The following GARNL3 variants were observed in gnomAD, a reference collection of about 807,000 sequenced individuals.
GARNL3 encodes the protein GTPase-activating Rap/Ran-GAP domain-like protein 3.
Under a neutral mutation model 125.0 loss-of-function variants are expected in GARNL3, and 63 were observed. That is an observed-to-expected ratio of 0.50 (90% CI 0.41 to 0.62). GARNL3 has a LOEUF of 0.62. Ranked by LOEUF, GARNL3 falls within the 20% of genes least tolerant of loss-of-function variation. The pLI, the probability that GARNL3 is intolerant of heterozygous loss-of-function variation, is 0.00. For missense variants in GARNL3, 994 were observed against 1,244.0 expected (o/e 0.80, Z 3.02); for synonymous variants, 439 against 457.5 (o/e 0.96, Z 0.52).
At chr9:127,339,024 G>A (rs533283263) in intron 12 of GARNL3, among the ~76,000 whole-genome samples, 19 of 152,200 alleles carry the variant, frequency 1.2e-4, no homozygotes, top group African/African-American at 7.2e-5. Context: ...TGGGCCTGGC[G>A]TGGTGGCTCA....
chr9:127,246,739 G>A (rs1019822458), intron 2 of GARNL3, among the ~76,000 whole-genome samples: 1 of 152,010 alleles, frequency 6.6e-6, no homozygotes. Flanking sequence ...CCCAGGAGGC[G>A]GGGATTGCAG....
intron 2 of GARNL3, among the ~76,000 whole-genome samples, chr9:127,308,121 AT>A (rs1391287841): frequency 6.6e-6 from 1 of 152,246 alleles, no homozygotes; most frequent in Non-Finnish European, 1.5e-5. Flanking sequence ...AAATCCAATG[AT>A]ATGCTTTCAC....
chr9:127,390,118 T>C (rs1221350182), intron 26 of GARNL3, among the ~76,000 whole-genome samples: 1 of 152,164 alleles, frequency 6.6e-6, no homozygotes, highest in African/African-American at 2.4e-5. Flanking sequence ...GCATGAACGT[T>C]GGCCTGGGCA....
At chr9:127,314,577 C>T (rs2065185844) in intron 4 of GARNL3, among the ~76,000 whole-genome samples, 2 of 151,636 alleles carry the variant, frequency 1.3e-5, no homozygotes, top group South Asian at 4.2e-4. Context: ...TCCCTCCCTC[C>T]AAGGCAGGAG....
At chr9:127,354,197 C>T in intron 18 of GARNL3, 97 bp from the exon 19 acceptor site, 1 of 886,292 alleles carries the variant, frequency 1.1e-6, no homozygotes, top group Non-Finnish European at 1.8e-6. Context: ...CAGAACACCT[C>T]CAATCCTAGT....
intron 1 of GARNL3, among the ~76,000 whole-genome samples, chr9:127,231,984 A>G (rs2063027291): frequency 6.6e-6 from 1 of 152,206 alleles, no homozygotes; most frequent in African/African-American, 2.4e-5. Context: ...GAGTAATACC[A>G]GAATCTTTCC....
chr9:127,281,426 C>G lies in GARNL3; in HGVS notation c.145-9742C>G, dbSNP rs566175610. On this transcript the variant is annotated intron_variant, in intron 1 of 27. Coordinates refer to ENST00000373387, the MANE Select transcript of GARNL3 (RefSeq NM_032293.5). ...GTCCAGATCCAGGGCCTTGGTGGCT[C>G]TCCTCCAGCCAACATTTATCCTCTT... Among the ~76,000 whole-genome samples, 27 of 152,262 alleles carry G rather than the reference C, an allele frequency of 1.8e-4. No individual in the cohort carries two copies. The East Asian group carries it at 4.1e-3, about 23-fold the overall frequency.
rs1832489978 is a variant in GARNL3, at chr9:127,385,378, G to A, written c.2388+233G>A. 1.3e-5 allele frequency among the ~76,000 whole-genome samples: 2 copies of A among 152,276 alleles called. No individual in the cohort carries two copies. The highest frequency in any genetic ancestry group is 4.2e-4 in the South Asian group (2 of 4,814). Reference sequence around the variant, plus strand: ...TTGTTAATAGTCATTAACTGGTGCTGGTGGCAGCTGGGGAGCACTTAGCTG... The same window carrying A: ...TTGTTAATAGTCATTAACTGGTGCTAGTGGCAGCTGGGGAGCACTTAGCTG... On this transcript the variant is annotated intron_variant, in intron 24 of 27. Transcript: ENST00000373387. The surrounding 1 kb of genome is among the most constrained non-coding windows in gnomAD (Gnocchi z 4.1).
At chr9:127,382,422 G>A (rs1054633368) in intron 22 of GARNL3, among the ~76,000 whole-genome samples, 1 of 152,066 alleles carries the variant, frequency 6.6e-6, no homozygotes, top group Non-Finnish European at 1.5e-5. Flanking sequence ...TTGGAAACCA[G>A]GCTAGGCAAC....
intron 2 of GARNL3, among the ~76,000 whole-genome samples, chr9:127,244,298 C>T (rs1356580467): frequency 1.3e-5 from 2 of 152,174 alleles, no homozygotes; most frequent in Non-Finnish European, 2.9e-5. Flanking sequence ...GAAGGGATAA[C>T]AGTTGAGCTT....
intron 2 of GARNL3, among the ~76,000 whole-genome samples, chr9:127,305,810 G>A (rs2064938854): frequency 6.6e-6 from 1 of 151,896 alleles, no homozygotes; most frequent in Non-Finnish European, 1.5e-5. Flanking sequence ...ATGTTACCCA[G>A]GCTAGTCTTG....
chr9:127,378,272 TAAA>T (rs1259060968), intron 22 of GARNL3, among the ~76,000 whole-genome samples: 1 of 140,518 alleles, frequency 7.1e-6, no homozygotes, highest in African/African-American at 2.7e-5. Flanking sequence ...ATCATTAACA[TAAA>T]AAGAGATCTT....
upstream of GARNL3, among the ~76,000 whole-genome samples, chr9:127,258,874 C>A (rs1332386314): frequency 6.6e-6 from 1 of 152,188 alleles, no homozygotes; most frequent in Non-Finnish European, 1.5e-5. Flanking sequence ...GTCTGCCTAT[C>A]GTGGAGCAGG....
Position 127,385,254 on chromosome 9 carries a change from G to T in GARNL3, c.2388+109G>T. 1.7e-6 allele frequency: 1 copy of T among 589,866 alleles called. No homozygotes were observed. 36.5% of individuals were successfully genotyped at this position (589,866 alleles called of 1,614,324 possible). On this transcript the variant is annotated intron_variant, in intron 24 of 27. Coordinates refer to ENST00000373387, the MANE Select transcript of GARNL3 (RefSeq NM_032293.5). This position sits in a 1 kb window ranked among gnomAD's most constrained non-coding sequence, Gnocchi z 4.1. ...TTGTCAAGTTAGGCTGATGAAGACC[G>T]GTGTCAGAATGCCAGCACGAGATGG...
intron 4 of GARNL3, among the ~76,000 whole-genome samples, chr9:127,313,814 T>A (rs2065161087): frequency 6.6e-6 from 1 of 152,240 alleles, no homozygotes; most frequent in Non-Finnish European, 1.5e-5. Flanking sequence ...TCTCTTCTGG[T>A]TTAAATATTT....
chr9:127,372,944 G>A (rs1375435795), intron 22 of GARNL3, among the ~76,000 whole-genome samples: 2 of 152,146 alleles, frequency 1.3e-5, no homozygotes, highest in African/African-American at 2.4e-5. Context: ...TTATTATGAA[G>A]AACAAAATTA....
chr9:127,373,445 T>C (rs1831714212), intron 22 of GARNL3, among the ~76,000 whole-genome samples: 1 of 152,222 alleles, frequency 6.6e-6, no homozygotes, highest in African/African-American at 2.4e-5. Flanking sequence ...GATGCTGTTA[T>C]ACTGGCACCC....
At chr9:127,390,945 C>G (rs117713538) in intron 27 of GARNL3, among the ~76,000 whole-genome samples, 178 bp downstream of exon 27, 1 of 152,178 alleles carries the variant, frequency 6.6e-6, no homozygotes, top group East Asian at 1.9e-4. Flanking sequence ...AGGGAGGGAT[C>G]TAGACAAATG....
At chr9:127,288,241 CAGA>C in intron 1 of GARNL3, among the ~76,000 whole-genome samples, 1 of 152,100 alleles carries the variant, frequency 6.6e-6, no homozygotes, top group East Asian at 1.9e-4. Flanking sequence ...GGAAGGTATA[CAGA>C]AGGAGGGGGA....
Sources: allele counts gnomAD v4.1 joint callset (sites outside exome capture counted in the v4.1 genomes callset), GRCh38; gene constraint gnomAD v4.1.1; non-coding constraint Gnocchi (gnomAD v3.1); transcripts MANE v1.5; gene names NCBI Gene and HGNC (gene_info 2026-07-23, HGNC 2026-07-21).